CHRM3: variants seen among roughly 807,000 people sequenced by gnomAD.
CHRM3 encodes the protein cholinergic receptor muscarinic 3, also known as muscarinic acetylcholine receptor M3.
A neutral mutation model predicts 41.8 loss-of-function variants in CHRM3; 11 were observed. The ratio of observed to expected loss-of-function variants is 0.26; its 90% CI spans 0.17 to 0.44. The LOEUF is 0.44. Ranked by LOEUF, CHRM3 falls within the 20% of genes least tolerant of loss-of-function variation. The probability of loss-of-function intolerance (pLI) is 1.00; values close to 1 mark genes in which losing one functional copy is unlikely to be tolerated. For synonymous variants in CHRM3, 297 were observed against 301.4 expected (o/e 0.99, Z 0.15); for missense variants, 571 against 745.4 (o/e 0.77, Z 2.72).
rs1558222032 is a variant in CHRM3 at position 239,435,456 on chromosome 1, T to TA, written c.-521+48229_-521+48230insA. ...AGAGCGAGACTCTCTCTCATAAAATTTAAAAAAAAAAAAAAAAAGAAGAAA... is the reference window on the plus strand; with the variant it reads ...AGAGCGAGACTCTCTCTCATAAAATTATAAAAAAAAAAAAAAAAAGAAGAAA... On this transcript the variant is annotated intron_variant, in intron 1 of 6. Coordinates refer to ENST00000676153, the MANE Select transcript of CHRM3 (RefSeq NM_001375978.1). Among the ~76,000 whole-genome samples the TA allele has an allele frequency of 9.2e-3, 1,263 of 137,590 alleles. 14 individuals are homozygous for TA. The highest frequency in any genetic ancestry group is 0.032 in the African/African-American group (1,197 of 37,584). The allele number at this position is 137,590 out of a possible 152,430, so 90.3% of individuals were successfully genotyped here.
At chr1:239,737,692 G>A (rs189002548) in intron 5 of CHRM3, among the ~76,000 whole-genome samples, 1 of 152,244 alleles carries the variant, frequency 6.6e-6, no homozygotes, top group East Asian at 1.9e-4. Flanking sequence ...AGTTGGGATG[G>A]CATTGTTTGT....
At chr1:239,771,866 T>C (rs1443170666) in intron 5 of CHRM3, among the ~76,000 whole-genome samples, 2 of 152,216 alleles carry the variant, frequency 1.3e-5, no homozygotes, top group African/African-American at 2.4e-5. Context: ...TCAATCTGTA[T>C]GTGTGGACAG....
At chr1:239,883,075 A>C (rs1410471399) in intron 6 of CHRM3, among the ~76,000 whole-genome samples, 1 of 152,158 alleles carries the variant, frequency 6.6e-6, no homozygotes, top group Non-Finnish European at 1.5e-5. Context: ...TTTTCTGCCT[A>C]TTTCCACCCC....
intron 2 of CHRM3, among the ~76,000 whole-genome samples, chr1:239,525,958 T>G (rs1558289735): frequency 6.6e-6 from 1 of 152,180 alleles, no homozygotes; most frequent in Admixed American, 6.5e-5. Context: ...AACTCAGGCA[T>G]CAGTACATTT....
At chr1:239,474,740 G>A (rs1666354085) in intron 1 of CHRM3, among the ~76,000 whole-genome samples, 1 of 152,010 alleles carries the variant, frequency 6.6e-6, no homozygotes. Flanking sequence ...GCTTATAAGT[G>A]GATTTTGTTG....
chr1:239,457,130 C>A (rs978684144), intron 1 of CHRM3, among the ~76,000 whole-genome samples: 1 of 152,158 alleles, frequency 6.6e-6, no homozygotes, highest in East Asian at 1.9e-4. Flanking sequence ...ACCAGTGAAA[C>A]CATTGGAATC....
chr1:239,773,596 T>C (rs1016683360), intron 5 of CHRM3, among the ~76,000 whole-genome samples: 1 of 152,140 alleles, frequency 6.6e-6, no homozygotes, highest in African/African-American at 2.4e-5. Flanking sequence ...GGAATGAAAG[T>C]AAAGGAGCAA....
chr1:239,493,813 C>G (rs2148079061), intron 2 of CHRM3, among the ~76,000 whole-genome samples: 1 of 152,238 alleles, frequency 6.6e-6, no homozygotes, highest in South Asian at 2.1e-4. Flanking sequence ...AATGGTAAAA[C>G]TATACTTCTG....
chr1:239,882,397 C>A (rs1428067484), intron 6 of CHRM3, among the ~76,000 whole-genome samples: 1 of 152,174 alleles, frequency 6.6e-6, no homozygotes, highest in Non-Finnish European at 1.5e-5. Flanking sequence ...TCATTTAACT[C>A]ATATTGAGTC....
intron 5 of CHRM3, among the ~76,000 whole-genome samples, chr1:239,784,394 A>T (rs1312766523): frequency 6.6e-6 from 1 of 151,996 alleles, no homozygotes; most frequent in East Asian, 1.9e-4. Flanking sequence ...TTAGTATATC[A>T]GTTTTACTCC....
chr1:239,607,790 T>G (rs950895808), intron 3 of CHRM3, among the ~76,000 whole-genome samples: 1 of 152,154 alleles, frequency 6.6e-6, no homozygotes, highest in Non-Finnish European at 1.5e-5. Context: ...ATTTGAAGTC[T>G]TTTTTTAATG....
chr1:239,566,783 G>A (rs1294715556), intron 3 of CHRM3, among the ~76,000 whole-genome samples: 4 of 152,232 alleles, frequency 2.6e-5, no homozygotes, highest in South Asian at 2.1e-4. Context: ...GCACTACCAC[G>A]CGGAGCTGAT....
At chr1:239,710,883 T>C (rs555303122) in intron 5 of CHRM3, among the ~76,000 whole-genome samples, 1 of 152,130 alleles carries the variant, frequency 6.6e-6, no homozygotes, top group Non-Finnish European at 1.5e-5. Flanking sequence ...ACTTCATTCA[T>C]GCTATACCTC....
chr1:239,408,515 C>A (rs1660801424), intron 1 of CHRM3, among the ~76,000 whole-genome samples: 1 of 129,142 alleles, frequency 7.7e-6, no homozygotes, highest in Non-Finnish European at 1.6e-5. Flanking sequence ...CAGAGAGAGA[C>A]TCCGTCAAAA....
At chr1:239,803,378 GA>G (rs1232483694) in intron 5 of CHRM3, among the ~76,000 whole-genome samples, 2 of 152,152 alleles carry the variant, frequency 1.3e-5, no homozygotes, top group African/African-American at 4.8e-5. Flanking sequence ...CTATTGTGGG[GA>G]AAAGGAAAAG....
At chr1:239,560,029 T>C (rs1660714117) in intron 3 of CHRM3, among the ~76,000 whole-genome samples, 1 of 152,178 alleles carries the variant, frequency 6.6e-6, no homozygotes, top group Non-Finnish European at 1.5e-5. Flanking sequence ...TAATAAAATA[T>C]ACAAATGATG....
At position 239,610,190 on chromosome 1, in the gene CHRM3, CAAAAAA is replaced by C. The variant is rs35512941; in HGVS notation, c.-312-22018_-312-22013del. Among the ~76,000 whole-genome samples the C allele has an allele frequency of 6.4e-5, 5 of 77,890 alleles. No homozygotes were observed. The East Asian group carries it at 1.8e-3, about 28-fold the overall frequency. 51.1% of individuals were successfully genotyped at this position (77,890 alleles called of 152,430 possible). A position where few individuals can be genotyped will look rare whatever the true frequency, so the allele number is the denominator to read the frequency against. ...CCTGGGCGACAGAGCAAGACTCTGT[CAAAAAA>C]AAAAAAAAAAAAAAAGGACTATAAA... is the stretch of plus-strand genomic sequence containing the variant. On this transcript the variant is annotated intron_variant, in intron 3 of 6. Transcript: ENST00000676153.
rs115908446 is a variant in CHRM3, at chr1:239,412,423, G to T, written c.-521+25196G>T. Among the ~76,000 whole-genome samples the T allele has an allele frequency of 6.9e-3, 873 of 126,950 alleles. 12 individuals carry two copies. Among genetic ancestry groups the T allele is most frequent in the African/African-American group, 0.025 (824 of 33,282 alleles). The allele number at this position is 126,950 out of a possible 152,430, so 83.3% of individuals were successfully genotyped here. A position where few individuals can be genotyped will look rare whatever the true frequency, so the allele number is the denominator to read the frequency against. ...TCCAGTCAGCACTGTTCCTCTCCAG[G>T]CCTGCCGTATAGCGATAGTCTTGGG... On this transcript the variant is annotated intron_variant, in intron 1 of 6. Transcript: ENST00000676153.
intron 3 of CHRM3, among the ~76,000 whole-genome samples, chr1:239,602,565 A>G (rs2148698441): frequency 6.6e-6 from 1 of 152,272 alleles, no homozygotes; most frequent in Middle Eastern, 3.4e-3. Context: ...TCAATGTGCA[A>G]GTAATTATTT....
Sources: gnomAD v4.1 joint callset for allele counts (sites outside exome capture counted in the v4.1 genomes callset) on GRCh38, gnomAD v4.1.1 for gene constraint, MANE v1.5 for transcripts, NCBI Gene and HGNC (gene_info 2026-07-23, HGNC 2026-07-21) for gene names.